The following SPRR2G variants were observed in gnomAD, a reference collection of about 807,000 sequenced individuals.
The protein encoded by SPRR2G is small proline-rich protein 2G.
In SPRR2G, 1 loss-of-function variant was observed where a neutral mutation model predicts 0.7. The observed-to-expected ratio is 1.49, with a 90% CI of 0.53 to 7.06. SPRR2G has a LOEUF of 7.06. Ranked by LOEUF, SPRR2G falls within the 30% of genes most tolerant of loss-of-function variation. The pLI, the probability that SPRR2G is intolerant of heterozygous loss-of-function variation, is 0.14. For synonymous variants in SPRR2G, 38 were observed against 33.9 expected (o/e 1.12, Z -0.42); for missense variants, 96 against 88.5 (o/e 1.09, Z -0.34).
chr1:153,160,088 C>A, the SPRR2G span, among the ~76,000 whole-genome samples: 2 of 152,190 alleles, frequency 1.3e-5, no homozygotes, highest in Non-Finnish European at 2.9e-5. Flanking sequence ...ACCCTGGCAA[C>A]CACCATTCTT....
At chr1:153,182,454 G>C in the SPRR2G span, among the ~76,000 whole-genome samples, 7 of 151,936 alleles carry the variant, frequency 4.6e-5, no homozygotes, top group East Asian at 1.4e-3. Context: ...CATTTGCCAT[G>C]GTGGTTTGCT....
At chr1:153,192,772 T>C in the SPRR2G span, among the ~76,000 whole-genome samples, 1 of 152,212 alleles carries the variant, frequency 6.6e-6, no homozygotes, top group African/African-American at 2.4e-5. Flanking sequence ...CAGCTTAAAG[T>C]CTTTTTGTTT....
chr1:153,158,884 C>G, the SPRR2G span, among the ~76,000 whole-genome samples: 1 of 152,196 alleles, frequency 6.6e-6, no homozygotes, highest in Non-Finnish European at 1.5e-5. Flanking sequence ...TTGCAGGAAG[C>G]CATGGCCAGG....
At chr1:153,161,769 A>G in the SPRR2G span, among the ~76,000 whole-genome samples, 1 of 152,348 alleles carries the variant, frequency 6.6e-6, no homozygotes. Flanking sequence ...TAGAAATCAG[A>G]TGGACAGAAA....
chr1:153,189,056 T>C, the SPRR2G span, among the ~76,000 whole-genome samples: 1 of 152,220 alleles, frequency 6.6e-6, no homozygotes, highest in African/African-American at 2.4e-5. Flanking sequence ...GCCTTCTGCG[T>C]TGGTCTTGCT....
the SPRR2G span, among the ~76,000 whole-genome samples, chr1:153,158,816 T>C: frequency 1.3e-5 from 2 of 152,244 alleles, no homozygotes; most frequent in African/African-American, 4.8e-5. Context: ...TCTTGTCTTC[T>C]GCATGCCCGC....
chr1:153,164,486 T>C, the SPRR2G span, among the ~76,000 whole-genome samples: 20 of 152,266 alleles, frequency 1.3e-4, no homozygotes, highest in East Asian at 3.3e-3. Context: ...GCTCTGTTAT[T>C]TTAAAATAAT....
the SPRR2G span, among the ~76,000 whole-genome samples, chr1:153,169,483 T>C: frequency 1.1e-4 from 17 of 152,052 alleles, no homozygotes; most frequent in Non-Finnish European, 2.2e-4. Flanking sequence ...AGAGAATTGC[T>C]TGAACCCGGG....
intron 1 of SPRR2G, among the ~76,000 whole-genome samples, chr1:153,150,399 C>G (rs965190262): frequency 3.3e-5 from 5 of 152,196 alleles, no homozygotes; most frequent in African/African-American, 1.2e-4. Context: ...CAAACACTAT[C>G]TGAAGAAGAA....
At chr1:153,155,854 A>G (rs577230466), upstream of SPRR2G, among the ~76,000 whole-genome samples, 15 of 152,350 alleles carry the variant, frequency 9.8e-5, no homozygotes, top group East Asian at 2.1e-3. Flanking sequence ...CATCACTTCA[A>G]TGAAAAGCCT....
In SPRR2G at chr1:153,149,830, G is replaced by A; in HGVS notation, c.*59C>T. ...GCTGAAGGGAAGATGATGGAGTCCT[G>A]GGAGTAAGAAGAGCCACTGGATCTT... On this transcript the variant is annotated 3_prime_UTR_variant, in exon 2 of 2. Transcript: ENST00000368748. 6.3e-7 allele frequency: 1 copy of A among 1,594,302 alleles called. No homozygotes were observed. Among genetic ancestry groups the A allele is most frequent in the Non-Finnish European group, 8.6e-7 (1 of 1,163,190 alleles).
intron 1 of SPRR2G, among the ~76,000 whole-genome samples, 185 bp downstream of exon 1, chr1:153,150,667 T>C (rs1571025592): frequency 1.3e-5 from 2 of 152,320 alleles, no homozygotes; most frequent in East Asian, 3.9e-4. Context: ...TATATTTGAC[T>C]CCAGGTTCCT....
chr1:153,197,700 C>T, the SPRR2G span, among the ~76,000 whole-genome samples: 1 of 152,266 alleles, frequency 6.6e-6, no homozygotes, highest in East Asian at 1.9e-4. Flanking sequence ...CAGGCATGTT[C>T]AGAGATGGTA....
the SPRR2G span, among the ~76,000 whole-genome samples, chr1:153,188,994 C>G: frequency 1.3e-5 from 2 of 152,188 alleles, no homozygotes; most frequent in Non-Finnish European, 2.9e-5. Flanking sequence ...AATGTCTAAC[C>G]AGTCCCAATG....
chr1:153,170,603 GGAA>G, the SPRR2G span, among the ~76,000 whole-genome samples: 1 of 152,080 alleles, frequency 6.6e-6, no homozygotes, highest in Non-Finnish European at 1.5e-5. Flanking sequence ...AGGAAAGGAG[GGAA>G]GAAGAAAAGG....
the SPRR2G span, among the ~76,000 whole-genome samples, chr1:153,175,558 G>T: frequency 2.0e-5 from 3 of 152,150 alleles, no homozygotes; most frequent in East Asian, 5.8e-4. Context: ...TCCATACAAG[G>T]TTCAGGCAAA....
chr1:153,163,122 T>C, the SPRR2G span, among the ~76,000 whole-genome samples: 4 of 152,184 alleles, frequency 2.6e-5, no homozygotes, highest in Admixed American at 2.0e-4. Context: ...ATGACCCTAA[T>C]CTTGAAGAAT....
chr1:153,172,464 A>G, the SPRR2G span, among the ~76,000 whole-genome samples: 5 of 151,872 alleles, frequency 3.3e-5, no homozygotes, highest in South Asian at 1.0e-3. Flanking sequence ...CCTGCCCCCA[A>G]TGCACCTCAT....
At chr1:153,194,652 C>T in the SPRR2G span, among the ~76,000 whole-genome samples, 25 of 152,356 alleles carry the variant, frequency 1.6e-4, no homozygotes, top group African/African-American at 5.8e-4. Flanking sequence ...TTTTAACAGG[C>T]ACTCTATCTT....
Sources: allele counts gnomAD v4.1 joint callset (sites outside exome capture counted in the v4.1 genomes callset), GRCh38; gene constraint gnomAD v4.1.1; transcripts MANE v1.5; gene names NCBI Gene and HGNC (gene_info 2026-07-23, HGNC 2026-07-21).